The following RALYL variants were observed in gnomAD, a reference collection of about 807,000 sequenced individuals.
The protein encoded by RALYL is RALY RNA binding protein like.
Under a neutral mutation model 35.1 loss-of-function variants are expected in RALYL, and 29 were observed. The ratio of observed to expected loss-of-function variants is 0.83; its 90% CI spans 0.61 to 1.13. The LOEUF is 1.13. Ranked by LOEUF, RALYL falls within the 50% of genes most tolerant of loss-of-function variation. The pLI, the probability that RALYL is intolerant of heterozygous loss-of-function variation, is 0.00. For missense variants in RALYL, 359 were observed against 360.4 expected, an observed-to-expected ratio of 1.00 and a Z score of 0.03; for synonymous variants, 120 against 127.6, an observed-to-expected ratio of 0.94 and a Z score of 0.40.
chr8:84,872,686 T>A (rs530006899), intron 6 of RALYL: 1 of 152,288 alleles, frequency 6.6e-6, no homozygotes, highest in South Asian at 2.1e-4. Flanking sequence ...TTCCTTTCCA[T>A]CAAGCCCAGG....
chr8:84,545,287 G>A (rs1415273841), intron 2 of RALYL, among the ~76,000 whole-genome samples: 1 of 152,016 alleles, frequency 6.6e-6, no homozygotes, highest in Non-Finnish European at 1.5e-5. Flanking sequence ...CCATTGGTCT[G>A]TCTGAACTAA....
rs201614902 is a variant in RALYL at position 84,465,044 on chromosome 8, C to A, written c.-23-64255C>A. On this transcript the variant is annotated intron_variant, in intron 1 of 8. Transcript: ENST00000521268. ...TCATTGTAGATTCTGGATATTAGCC[C>A]TTTGTCAGATGAGTAGGTTGCGAAA... Among the ~76,000 whole-genome samples, 36 of 109,904 alleles carry A rather than the reference C, an allele frequency of 3.3e-4. 1 individual carries two copies. In the East Asian group the frequency reaches 8.3e-3, roughly 25 times the overall value. The allele number at this position is 109,904 out of a possible 152,430, so 72.1% of individuals were successfully genotyped here.
intron 1 of RALYL, among the ~76,000 whole-genome samples, chr8:84,310,910 G>A (rs1460421656): frequency 2.8e-5 from 4 of 144,826 alleles, no homozygotes; most frequent in East Asian, 2.0e-4. Context: ...AGCCGGGCGC[G>A]GTGGCGGGCG....
intron 2 of RALYL, among the ~76,000 whole-genome samples, chr8:84,547,616 T>C (rs1226319995): frequency 6.6e-6 from 1 of 152,132 alleles, no homozygotes; most frequent in Non-Finnish European, 1.5e-5. Context: ...CCTGACCTTG[T>C]GATCTGCCCA....
chr8:84,380,107 A>G (rs962281115), intron 1 of RALYL, among the ~76,000 whole-genome samples: 2 of 151,324 alleles, frequency 1.3e-5, no homozygotes, highest in Non-Finnish European at 3.0e-5. Context: ...CTTAAACTGT[A>G]GAAAGAGCAT....
intron 1 of RALYL, among the ~76,000 whole-genome samples, chr8:84,510,273 G>A (rs1216600902): frequency 1.3e-5 from 2 of 152,048 alleles, no homozygotes; most frequent in East Asian, 1.9e-4. Context: ...GCTGAGAAGC[G>A]ATCCCTATGG....
intron 2 of RALYL, chr8:84,706,113 C>T: frequency 1.3e-6 from 2 of 1,489,738 alleles, no homozygotes; most frequent in Non-Finnish European, 1.8e-6. Flanking sequence ...GGAAAACATA[C>T]TTGATTTCTT....
intron 1 of RALYL, among the ~76,000 whole-genome samples, chr8:84,283,692 C>A (rs765241482): frequency 8.5e-5 from 13 of 152,068 alleles, no homozygotes; most frequent in Non-Finnish European, 1.6e-4. Context: ...ATTATTTGCA[C>A]CCAAAATAAT....
At chr8:84,399,614 A>C (rs1337073181) in intron 1 of RALYL, among the ~76,000 whole-genome samples, 1 of 152,226 alleles carries the variant, frequency 6.6e-6, no homozygotes, top group Non-Finnish European at 1.5e-5. Flanking sequence ...AAAACCGTTC[A>C]TTTACATGCA....
At chr8:84,658,520 A>T (rs1024281814) in intron 2 of RALYL, among the ~76,000 whole-genome samples, 3 of 152,204 alleles carry the variant, frequency 2.0e-5, no homozygotes, top group African/African-American at 7.2e-5. Flanking sequence ...TTTTAGAAAC[A>T]GCAGTAAGTG....
chr8:84,218,531 G>A (rs2131273126), intron 1 of RALYL, among the ~76,000 whole-genome samples: 1 of 152,066 alleles, frequency 6.6e-6, no homozygotes, highest in African/African-American at 2.4e-5. Flanking sequence ...TTTTCACACA[G>A]ATTACTCTGG....
At chr8:84,371,056 G>C (rs1049131683) in intron 1 of RALYL, among the ~76,000 whole-genome samples, 1 of 151,960 alleles carries the variant, frequency 6.6e-6, no homozygotes, top group Non-Finnish European at 1.5e-5. Flanking sequence ...GCGAGAGTAA[G>C]AATTAATTGT....
At chr8:84,197,995 T>A (rs896522432) in intron 1 of RALYL, among the ~76,000 whole-genome samples, 12 of 152,188 alleles carry the variant, frequency 7.9e-5, no homozygotes, top group Non-Finnish European at 1.6e-4. Flanking sequence ...CTTTTTGAAT[T>A]AATTAATTAG....
chr8:84,741,522 G>A (rs916280197), intron 2 of RALYL, among the ~76,000 whole-genome samples: 5 of 152,020 alleles, frequency 3.3e-5, no homozygotes, highest in African/African-American at 1.2e-4. Context: ...GACTCACATG[G>A]CAGAAGAGAA....
intron 2 of RALYL, among the ~76,000 whole-genome samples, chr8:84,688,313 T>C (rs1306096001): frequency 6.6e-6 from 1 of 152,078 alleles, no homozygotes; most frequent in African/African-American, 2.4e-5. Flanking sequence ...ATGTATCCAA[T>C]AAGATAATTT....
At chr8:84,506,586 A>G (rs900275874) in intron 1 of RALYL, among the ~76,000 whole-genome samples, 6 of 152,198 alleles carry the variant, frequency 3.9e-5, no homozygotes, top group African/African-American at 1.4e-4. Context: ...AAGGAACTTA[A>G]GTGTTTAGTT....
chr8:84,555,866 A>G (rs930996868), intron 2 of RALYL, among the ~76,000 whole-genome samples: 3 of 152,230 alleles, frequency 2.0e-5, no homozygotes, highest in African/African-American at 4.8e-5. Flanking sequence ...TAAAAATAAT[A>G]ATATGGAAAT....
rs150801158 is a variant in RALYL at position 84,757,359 on chromosome 8, A to G, written c.257-17220A>G. Among the ~76,000 whole-genome samples the G allele has an allele frequency of 2.0e-3, 301 of 152,266 alleles. 3 individuals are homozygous for G. Among genetic ancestry groups the G allele is most frequent in the African/African-American group, 6.9e-3 (287 of 41,574 alleles). ...ACAGAGAAAATAATAATGGAGACCA[A>G]TTTATATACAAGTACAGTTTTTCCT... On this transcript the variant is annotated intron_variant, in intron 2 of 8. Transcript: ENST00000521268.
chr8:84,546,139 TA>T (rs2060340799), intron 2 of RALYL, among the ~76,000 whole-genome samples: 2 of 151,916 alleles, frequency 1.3e-5, no homozygotes, highest in South Asian at 2.1e-4. Flanking sequence ...AAAAGATATA[TA>T]TTTTTTTTTG....
Sources: allele counts gnomAD v4.1 joint callset (sites outside exome capture counted in the v4.1 genomes callset), GRCh38; gene constraint gnomAD v4.1.1; transcripts MANE v1.5; gene names NCBI Gene and HGNC (gene_info 2026-07-23, HGNC 2026-07-21).